The following SH3BP1 variants were observed in gnomAD, a reference collection of about 807,000 sequenced individuals.
SH3BP1 encodes SH3 domain binding protein 1, also known as SH3 domain-binding protein 1.
Under a neutral mutation model 69.8 loss-of-function variants are expected in SH3BP1, and 46 were observed. That is an observed-to-expected ratio of 0.66 (90% CI 0.52 to 0.84). The LOEUF (loss-of-function observed/expected upper bound fraction) is 0.84, where lower values mean the gene tolerates loss of function less well. Among genes scored for constraint, SH3BP1 ranks in the 40% least tolerant of loss-of-function variants. The pLI, the probability that SH3BP1 is intolerant of heterozygous loss-of-function variation, is 0.00. For missense variants in SH3BP1, 868 were observed against 930.9 expected (o/e 0.93, Z 0.88); for synonymous variants, 403 against 378.0 (o/e 1.07, Z -0.77).
At chr22:37,641,611 A>G in intron 3 of SH3BP1, 133 bp downstream of exon 3, 1 of 730,556 alleles carries the variant, frequency 1.4e-6, no homozygotes, top group Non-Finnish European at 2.2e-6. Flanking sequence ...CTCTGTTCCA[A>G]GGCCCCTCTG....
At position 37,647,305 on chromosome 22, in the gene SH3BP1, C is replaced by T; in HGVS notation, c.1075C>T (p.Leu359=). The T allele has an allele frequency of 6.2e-7, 1 of 1,614,114 alleles. No homozygotes were observed. Among genetic ancestry groups the T allele is most frequent in the Non-Finnish European group, 8.5e-7 (1 of 1,180,000 alleles). ...KSYLRELPEP[L]MTFDLYDDWM... is the part of the protein sequence containing the mutation. ...CTATCTGCGGGAGCTGCCAGAGCCTCTGATGACCTTCGACCTCTATGATGA... is the reference window on the plus strand; with the variant it reads ...CTATCTGCGGGAGCTGCCAGAGCCTTTGATGACCTTCGACCTCTATGATGA... Residue 359 remains leucine, a synonymous_variant, in exon 12 of 18, where the codon CTG becomes TTG. Transcript: ENST00000649765.
intron 14 of SH3BP1, 114 bp downstream of exon 14, chr22:37,648,549 C>T (rs1209934196): frequency 2.8e-6 from 2 of 725,328 alleles, no homozygotes; most frequent in Admixed American, 2.1e-5. Flanking sequence ...GTGGGTTGAG[C>T]AGCTCCTGTT....
chr22:37,640,940 A>C (rs1044527507), intron 1 of SH3BP1, 186 bp from the exon 2 acceptor site: 1 of 610,792 alleles, frequency 1.6e-6, no homozygotes, highest in Non-Finnish European at 2.9e-6. Context: ...TCCTATTCCC[A>C]CCCCCATGGA....
At chr22:37,639,906 A>G in intron 1 of SH3BP1, 60 bp downstream of exon 1, 6 of 775,214 alleles carry the variant, frequency 7.7e-6, no homozygotes, top group Non-Finnish European at 1.0e-5. Flanking sequence ...GGGTCGTAAA[A>G]GGGTCGGGGG....
intron 1 of SH3BP1, 107 bp from the exon 2 acceptor site, chr22:37,641,019 G>A (rs918873600): frequency 7.7e-6 from 6 of 781,184 alleles, no homozygotes; most frequent in South Asian, 6.1e-5. Context: ...GACAGTGGAA[G>A]CACTGGGGTC....
At chr22:37,646,352 T>G (rs1329057755) in intron 10 of SH3BP1, among the ~76,000 whole-genome samples, 2 of 151,724 alleles carry the variant, frequency 1.3e-5, no homozygotes, top group African/African-American at 4.8e-5. Flanking sequence ...TTCACCTCCC[T>G]GGTTCAAGCG....
At chr22:37,654,875 C>T (rs559805018) in intron 17 of SH3BP1, among the ~76,000 whole-genome samples, 17 of 152,078 alleles carry the variant, frequency 1.1e-4, no homozygotes, top group African/African-American at 2.7e-4. Context: ...TTTGAGAGAC[C>T]GAGGCAGGAG....
intron 4 of SH3BP1, 76 bp downstream of exon 4, chr22:37,642,691 G>A (rs1932644918): frequency 3.7e-6 from 6 of 1,610,486 alleles, no homozygotes; most frequent in African/African-American, 1.3e-5. Context: ...TCCAGGTGGT[G>A]AGGGCATCCA....
intron 7 of SH3BP1, 93 bp downstream of exon 7, chr22:37,643,881 G>A (rs1932710311): frequency 6.6e-7 from 1 of 1,510,282 alleles, no homozygotes; most frequent in Non-Finnish European, 9.0e-7. Flanking sequence ...TCAGAGAGGT[G>A]ACATGACTTG....
intron 4 of SH3BP1, 123 bp from the exon 5 acceptor site, chr22:37,642,772 A>G: frequency 1.3e-6 from 2 of 1,595,168 alleles, no homozygotes; most frequent in Non-Finnish European, 1.7e-6. Context: ...GAGGGTGTTC[A>G]GCTTAGCAGA....
rs190468161 is a variant in SH3BP1 at position 37,649,520 on chromosome 22, A to G, written c.1317-632A>G. Among the ~76,000 whole-genome samples, 465 of 152,196 alleles carry G rather than the reference A, an allele frequency of 3.1e-3. 5 individuals are homozygous for G. The highest frequency in any genetic ancestry group is 9.6e-4 in the Non-Finnish European group (65 of 68,006). On this transcript the variant is annotated intron_variant, in intron 14 of 17. Transcript: ENST00000649765. ...AGAAATAGGCCGGGGGCAGCGGCTC[A>G]CAGCTGTAATCCCAGCACTTTGGGA...
chr22:37,639,744 C>T lies in SH3BP1; in HGVS notation c.-44C>T. Reference sequence around the variant, plus strand: ...GGCTGGACCGGGGGCTCCCCGGGCCCGCGACCCCCGCCGTGACCCCGCAGC... The same window carrying T: ...GGCTGGACCGGGGGCTCCCCGGGCCTGCGACCCCCGCCGTGACCCCGCAGC... On this transcript the variant is annotated 5_prime_UTR_variant, in exon 1 of 18. Coordinates refer to ENST00000649765, the MANE Select transcript of SH3BP1 (RefSeq NM_018957.6). 7.5e-7 allele frequency: 1 copy of T among 1,331,354 alleles called. No individual in the cohort carries two copies. Among genetic ancestry groups the T allele is most frequent in the Non-Finnish European group, 1.0e-6 (1 of 992,424 alleles). The allele number at this position is 1,331,354 out of a possible 1,614,324, so 82.5% of individuals were successfully genotyped here.
chr22:37,649,887 C>T, intron 14 of SH3BP1: 1 of 573,824 alleles, frequency 1.7e-6, no homozygotes, highest in South Asian at 1.9e-5. Flanking sequence ...CTCCCACGTG[C>T]TGATTGCATT....
rs996031068 is a variant in SH3BP1, at chr22:37,645,454, G to A, written c.868G>A (p.Ala290Thr). Residue 290 changes from alanine (A) to threonine (T), a missense_variant, in exon 10 of 18, where the codon GCC becomes ACC. Coordinates refer to ENST00000649765, the MANE Select transcript of SH3BP1 (RefSeq NM_018957.6). The part of the protein sequence containing the change: ...THLQELGREI[A>T]LPIEACVMML... ...CCTGCAAGAGCTGGGCCGGGAGATT[G>A]CCCTGCCCATCGAGGCCTGCGTCAT... is the stretch of plus-strand genomic sequence containing the variant. The A allele has an allele frequency of 6.2e-7, 1 of 1,613,774 alleles. No individual in the cohort carries two copies. The highest frequency in any genetic ancestry group is 8.5e-7 in the Non-Finnish European group (1 of 1,179,846).
rs757375237 is a variant in SH3BP1 at position 37,646,915 on chromosome 22, C to G, written c.1022C>G (p.Pro341Arg). ...AGCCTGGAGGAGTTCTGCTCCGACC[C>G]GCACGCTGTGGCAGGTGCCTGATCC... ...PHSLEEFCSD[P>R]HAVAGALKSY... Residue 341 changes from proline (P) to arginine (R), a missense_variant, in exon 11 of 18, where the codon CCG (proline) becomes CGG (arginine). By Grantham distance (103) the Pro-to-Arg change is moderately radical. Transcript: ENST00000649765. 1.3e-6 allele frequency: 2 copies of G among 1,548,196 alleles called. No individual in the cohort carries two copies. The highest frequency in any genetic ancestry group is 3.9e-5 in the Admixed American group (2 of 50,824).
At chr22:37,650,503 G>C in intron 15 of SH3BP1, 39 bp from the exon 16 acceptor site, 1 of 1,578,226 alleles carries the variant, frequency 6.3e-7, no homozygotes, top group Non-Finnish European at 8.6e-7. Context: ...GGAGCCTGGC[G>C]CGGTCTCTGA....
rs902046710 is a variant in SH3BP1 at position 37,643,928 on chromosome 22, C to T, written c.618+140C>T. The stretch of plus-strand genomic sequence containing the variant: ...GTGGCTAGGAGCCAGCAGAGCTCCG[C>T]CATTCCCTCGTAGCCTCTTCTGTCT... On this transcript the variant is annotated intron_variant, in intron 7 of 17. Coordinates refer to ENST00000649765, the MANE Select transcript of SH3BP1 (RefSeq NM_018957.6). 5 of 904,098 alleles carry T rather than the reference C, an allele frequency of 5.5e-6. No homozygotes were observed. The African/African-American group carries it at 8.3e-5, about 15-fold the overall frequency. 56.0% of individuals were successfully genotyped at this position (904,098 alleles called of 1,614,324 possible). A position where few individuals can be genotyped will look rare whatever the true frequency, so the allele number is the denominator to read the frequency against.
chr22:37,655,809 C>A lies in SH3BP1; in HGVS notation c.*125C>A. ...GCCTTTGCCCACAAGTGCCTCAGTG[C>A]CCACTGGGTCGGCCCCCATGGCCAG... On this transcript the variant is annotated 3_prime_UTR_variant, in exon 18 of 18. Transcript: ENST00000649765. 6.9e-7 allele frequency: 1 copy of A among 1,456,622 alleles called. No individual in the cohort carries two copies. The allele number at this position is 1,456,622 out of a possible 1,614,324, so 90.2% of individuals were successfully genotyped here.
chr22:37,650,707 C>A lies in SH3BP1; in HGVS notation c.1580C>A (p.Ser527Ter). The change falls in exon 16 of 18, where the codon TCA becomes TAA. Residue 527 changes from serine (S) to a stop codon, truncating the protein, a stop_gained. Transcript: ENST00000649765. LOFTEE classifies it high-confidence loss of function. Reference sequence around the variant, plus strand: ...CCAGCTCCGGCCCCAGCCTTGGCTTCAGCAGCTACCAAGGAAAGGTGAGGA... The same window carrying A: ...CCAGCTCCGGCCCCAGCCTTGGCTTAAGCAGCTACCAAGGAAAGGTGAGGA... ...PAPAPAPALA[S>*]AATKERTESE... The A allele has an allele frequency of 1.2e-6, 2 of 1,611,484 alleles. No homozygotes were observed. Among genetic ancestry groups the A allele is most frequent in the Non-Finnish European group, 8.5e-7 (1 of 1,178,558 alleles).
Sources: gnomAD v4.1 joint callset for allele counts (sites outside exome capture counted in the v4.1 genomes callset) on GRCh38, gnomAD v4.1.1 for gene constraint, MANE v1.5 for transcripts, NCBI Gene and HGNC (gene_info 2026-07-23, HGNC 2026-07-21) for gene names.